The following NTM variants were observed in gnomAD, a reference collection of about 807,000 sequenced individuals.
NTM encodes the protein IgLON family member 2.
NTM carries 13 observed loss-of-function variants against 42.1 expected under a neutral mutation model. The ratio of observed to expected loss-of-function variants is 0.31; its 90% CI spans 0.20 to 0.49. The LOEUF (loss-of-function observed/expected upper bound fraction) is 0.49, where lower values mean the gene tolerates loss of function less well. NTM is among the 20% of genes least tolerant of loss of function. NTM has a pLI of 0.99. For synonymous variants in NTM, 187 were observed against 179.2 expected (o/e 1.04, Z -0.35); for missense variants, 373 against 452.8 (o/e 0.82, Z 1.60).
intron 1 of NTM, among the ~76,000 whole-genome samples, chr11:131,579,259 C>A (rs906506630): frequency 6.6e-6 from 1 of 152,040 alleles, no homozygotes; most frequent in Non-Finnish European, 1.5e-5. Flanking sequence ...AGCAGGGCAG[C>A]AAAAGAAGAC....
chr11:132,187,214 CGTGTGTGTGT>C (rs55849086), intron 3 of NTM, among the ~76,000 whole-genome samples: 138 of 148,432 alleles, frequency 9.3e-4, no homozygotes, highest in African/African-American at 2.8e-3. Flanking sequence ...GCTCAGATGG[CGTGTGTGTGT>C]GTGTGTGTGT....
At position 131,722,021 on chromosome 11, in the gene NTM, A is replaced by AG. The variant is rs1555100310; in HGVS notation, c.83-189543_83-189542insG. ...CAAAAAAAAAAAAAAAAAAAAAAAAAAGAGAGAAAGAAAGAAAATAATGCT... is the reference window on the plus strand; with the variant it reads ...CAAAAAAAAAAAAAAAAAAAAAAAAAGAGAGAGAAAGAAAGAAAATAATGCT... On this transcript the variant is annotated intron_variant, in intron 1 of 8. Transcript: ENST00000683400. Among the ~76,000 whole-genome samples, 90 of 112,822 alleles carry AG rather than the reference A, an allele frequency of 8.0e-4. 7 individuals are homozygous for AG. Among genetic ancestry groups the AG allele is most frequent in the Middle Eastern group, 0.01 (2 of 198 alleles). 74.0% of individuals were successfully genotyped at this position (112,822 alleles called of 152,430 possible).
chr11:131,714,876 C>A (rs890618538), intron 1 of NTM, among the ~76,000 whole-genome samples: 5 of 151,748 alleles, frequency 3.3e-5, no homozygotes, highest in African/African-American at 9.7e-5. Flanking sequence ...AGAAACAAGG[C>A]ATTATATGGT....
At chr11:132,071,844 C>T (rs1220302093) in intron 2 of NTM, among the ~76,000 whole-genome samples, 2 of 152,012 alleles carry the variant, frequency 1.3e-5, no homozygotes, top group Non-Finnish European at 2.9e-5. Context: ...TATATGGTAA[C>T]CAGGTCATCC....
At chr11:131,995,582 T>C (rs561034595) in intron 2 of NTM, among the ~76,000 whole-genome samples, 1 of 151,518 alleles carries the variant, frequency 6.6e-6, no homozygotes, top group South Asian at 2.1e-4. Context: ...GAGTGTGAGA[T>C]GGGGAAGCGG....
chr11:132,123,204 G>T (rs1290172574), intron 2 of NTM, among the ~76,000 whole-genome samples: 1 of 152,188 alleles, frequency 6.6e-6, no homozygotes, highest in Admixed American at 6.5e-5. Context: ...GACAAGGAAA[G>T]CTGTCATCAA....
chr11:131,961,002 C>G (rs74616618), intron 2 of NTM, among the ~76,000 whole-genome samples: 5,111 of 152,232 alleles, frequency 0.034, 299 homozygotes, highest in African/African-American at 0.12. Context: ...CTGGCCATCA[C>G]CTTTTTCATC....
chr11:131,712,171 A>AT (rs564895008), intron 1 of NTM, among the ~76,000 whole-genome samples: 2,223 of 142,728 alleles, frequency 0.016, 38 homozygotes, highest in African/African-American at 0.051. Flanking sequence ...AAATTAAAAA[A>AT]TTAAAAAAAA....
At chr11:131,526,857 G>A (rs2050555525) in intron 1 of NTM, among the ~76,000 whole-genome samples, 1 of 152,204 alleles carries the variant, frequency 6.6e-6, no homozygotes, top group Admixed American at 6.5e-5. Context: ...AAAGACTGCT[G>A]CCAAAGTGAC....
chr11:131,675,557 A>T (rs1409192273), intron 1 of NTM, among the ~76,000 whole-genome samples: 5 of 152,150 alleles, frequency 3.3e-5, no homozygotes, highest in Admixed American at 3.3e-4. Context: ...GGATTATCTC[A>T]TTTTAACCAA....
At chr11:131,682,647 C>T (rs1477786314) in intron 1 of NTM, among the ~76,000 whole-genome samples, 1 of 152,264 alleles carries the variant, frequency 6.6e-6, no homozygotes, top group Admixed American at 6.5e-5. Flanking sequence ...GCCACTGACA[C>T]GGAGAGCGGG....
chr11:131,909,970 A>G (rs1295285539), intron 1 of NTM: 2 of 152,250 alleles, frequency 1.3e-5, no homozygotes, highest in African/African-American at 2.4e-5. Context: ...AATGGCGACA[A>G]AACAAGAATA....
At position 132,311,660 on chromosome 11, in the gene NTM, A is replaced by G. The variant is rs150388549; in HGVS notation, c.782+1428A>G. On this transcript the variant is annotated intron_variant, in intron 6 of 8. Transcript: ENST00000683400. ...TTGAACCAAACCAAACAAAAAACCT[A>G]TTGAGCTATGGGGTCAGTTCCCAAA... is the stretch of plus-strand genomic sequence containing the variant. Among the ~76,000 whole-genome samples, 101 of 152,344 alleles carry G rather than the reference A, an allele frequency of 6.6e-4. No homozygotes were observed. The East Asian group carries it at 0.017, about 26-fold the overall frequency.
At chr11:132,045,110 A>C (rs2077806612) in intron 2 of NTM, among the ~76,000 whole-genome samples, 1 of 152,238 alleles carries the variant, frequency 6.6e-6, no homozygotes. Flanking sequence ...CTTGATGAAC[A>C]TCAATGCAAA....
At chr11:132,149,231 C>CAAAAAAAA (rs59485155) in intron 3 of NTM, among the ~76,000 whole-genome samples, 5,335 of 122,566 alleles carry the variant, frequency 0.044, 431 homozygotes, top group African/African-American at 0.15. Context: ...TCCTGGATTA[C>CAAAAAAAA]AAAAAAAAAA....
chr11:131,705,823 C>T (rs1487869424), intron 1 of NTM, among the ~76,000 whole-genome samples: 1 of 151,602 alleles, frequency 6.6e-6, no homozygotes, highest in East Asian at 1.9e-4. Flanking sequence ...ATGATAACCA[C>T]AAAGAAAAAA....
Position 132,049,751 on chromosome 11 carries a change from TG to T in NTM, c.168-96526del, listed in dbSNP as rs1300738974. Among the ~76,000 whole-genome samples the T allele has an allele frequency of 2.6e-5, 4 of 152,008 alleles. No homozygotes were observed. The East Asian group carries it at 7.8e-4, about 29-fold the overall frequency. On this transcript the variant is annotated intron_variant, in intron 2 of 8. Coordinates refer to ENST00000683400, the MANE Select transcript of NTM (RefSeq NM_001352005.2). ...ATGGGTGCAGGGTGGGAAAACCTGA[TG>T]GGGGAAAAGACAAAGCAAGGAGGGA...
chr11:131,568,813 G>A (rs2137065812), intron 1 of NTM, among the ~76,000 whole-genome samples: 1 of 152,282 alleles, frequency 6.6e-6, no homozygotes, highest in East Asian at 1.9e-4. Flanking sequence ...AGTAATGTTG[G>A]GGAGGATTAC....
chr11:131,773,120 G>A (rs567451872), intron 1 of NTM, among the ~76,000 whole-genome samples: 4 of 152,308 alleles, frequency 2.6e-5, no homozygotes, highest in South Asian at 2.1e-4. Flanking sequence ...TGGAAGCTGG[G>A]AAGTCCAAGG....
Sources: gnomAD v4.1 joint callset for allele counts (sites outside exome capture counted in the v4.1 genomes callset) on GRCh38, gnomAD v4.1.1 for gene constraint, MANE v1.5 for transcripts, NCBI Gene and HGNC (gene_info 2026-07-23, HGNC 2026-07-21) for gene names.